The following ZFC3H1 variants were observed in gnomAD, a reference collection of about 807,000 sequenced individuals.
ZFC3H1 encodes the protein zinc finger C3H1 domain-containing protein.
Under a neutral mutation model 243.7 loss-of-function variants are expected in ZFC3H1, and 71 were observed. The observed-to-expected ratio is 0.29, with a 90% CI of 0.24 to 0.36. The LOEUF is 0.36. Ranked by LOEUF, ZFC3H1 falls within the 10% of genes least tolerant of loss-of-function variation. The pLI, the probability that ZFC3H1 is intolerant of heterozygous loss-of-function variation, is 1.00. For synonymous variants in ZFC3H1, 838 were observed against 813.0 expected (o/e 1.03, Z -0.52); for missense variants, 1,966 against 2,317.1 (o/e 0.85, Z 3.11).
At chr12:71,624,401 T>C in intron 22 of ZFC3H1, 109 bp from the exon 23 acceptor site, 1 of 1,167,692 alleles carries the variant, frequency 8.6e-7, no homozygotes, top group Non-Finnish European at 1.2e-6. Flanking sequence ...CTTCAACTTC[T>C]GCAAAAAGGA....
rs1290628587 is a variant in ZFC3H1, at chr12:71,620,157, A to C, written c.4851-33T>G. 3 of 1,611,634 alleles carry C rather than the reference A, an allele frequency of 1.9e-6. No homozygotes were observed. The South Asian group carries it at 3.3e-5, about 18-fold the overall frequency. On this transcript the variant is annotated intron_variant, in intron 25 of 34. Coordinates refer to ENST00000378743, the MANE Select transcript of ZFC3H1 (RefSeq NM_144982.5). ...AAAAAGAAAAAAAAAGGCTAAAGAC[A>C]TGAAAAGATCACTTTTTAATATAAG...
intron 23 of ZFC3H1, 24 bp downstream of exon 23, chr12:71,624,080 T>C: frequency 6.3e-7 from 1 of 1,586,730 alleles, no homozygotes; most frequent in Non-Finnish European, 8.6e-7. Context: ...CAAAATGCAA[T>C]TAAATGCTGT....
At position 71,610,311 on chromosome 12, in the gene ZFC3H1, T is replaced by C. The variant is rs17227269; in HGVS notation, c.*117A>G. On this transcript the variant is annotated 3_prime_UTR_variant, in exon 35 of 35. Coordinates refer to ENST00000378743, the MANE Select transcript of ZFC3H1 (RefSeq NM_144982.5). ...GGATATTGTAGGGAACTTGATATGATCAATAACGCTTGTCTGCCTTACACA... is the reference window on the plus strand; with the variant it reads ...GGATATTGTAGGGAACTTGATATGACCAATAACGCTTGTCTGCCTTACACA... 8,736 of 1,225,564 alleles carry C rather than the reference T, an allele frequency of 7.1e-3. 56 individuals carry two copies. The highest frequency in any genetic ancestry group is 7.9e-3 in the Non-Finnish European group (6,891 of 876,692). 75.9% of individuals were successfully genotyped at this position (1,225,564 alleles called of 1,614,324 possible).
At chr12:71,630,447 T>C (rs1012037752) in intron 18 of ZFC3H1, among the ~76,000 whole-genome samples, 153 bp downstream of exon 18, 1 of 152,216 alleles carries the variant, frequency 6.6e-6, no homozygotes, top group Admixed American at 6.5e-5. Context: ...ATTTTTACCG[T>C]AATTATACTG....
chr12:71,625,544 T>C (rs1269118430), intron 22 of ZFC3H1, among the ~76,000 whole-genome samples: 1 of 152,012 alleles, frequency 6.6e-6, no homozygotes, highest in Non-Finnish European at 1.5e-5. Flanking sequence ...ATCTAAAAAC[T>C]ATCCAGGCAT....
In ZFC3H1 at chr12:71,624,152, C is replaced by T; in HGVS notation, c.4458G>A (p.Gln1486=). ...QLLEALLFRV[Q]LHIFTGRCQS... is the part of the protein sequence containing the mutation. The stretch of plus-strand genomic sequence containing the variant: ...GGCATCTTCCAGTAAATATGTGCAG[C>T]TGAACTCTAAACAAAAGAGCCTCTA... Residue 1486 remains glutamine, a synonymous_variant, in exon 23 of 35, where the codon CAG becomes CAA. Coordinates refer to ENST00000378743, the MANE Select transcript of ZFC3H1 (RefSeq NM_144982.5). 6.2e-7 allele frequency: 1 copy of T among 1,613,992 alleles called. No homozygotes were observed. The highest frequency in any genetic ancestry group is 8.5e-7 in the Non-Finnish European group (1 of 1,179,994).
At chr12:71,650,080 C>T (rs763941242) in intron 2 of ZFC3H1, among the ~76,000 whole-genome samples, 26 of 151,898 alleles carry the variant, frequency 1.7e-4, no homozygotes, top group African/African-American at 5.6e-4. Context: ...CCCAGCTACT[C>T]GGGAGGCCAA....
chr12:71,638,497 G>T lies in ZFC3H1; in HGVS notation c.1646C>A (p.Pro549Gln), dbSNP rs749001333. 1.9e-6 allele frequency: 3 copies of T among 1,610,080 alleles called. No individual in the cohort carries two copies. The East Asian group carries it at 6.7e-5, about 36-fold the overall frequency. ...TSSPAPSPVQ[P>Q]PFFSECSLGY... Reference sequence around the variant, plus strand: ...CAATGAACATTCAGAGAAAAATGGCGGTTGCACTGGTGAAGGAGCTGTAAA... The same window carrying T: ...CAATGAACATTCAGAGAAAAATGGCTGTTGCACTGGTGAAGGAGCTGTAAA... The change falls in exon 7 of 35, where the codon CCG becomes CAG. Residue 549 changes from proline (P) to glutamine (Q), a missense_variant. This residue lies in a region of ZFC3H1 where 1,383 missense variants were observed against 1,723.7 expected (regional missense o/e 0.80). Transcript: ENST00000378743.
At chr12:71,630,351 T>C (rs1565812597) in intron 18 of ZFC3H1, among the ~76,000 whole-genome samples, 1 of 152,240 alleles carries the variant, frequency 6.6e-6, no homozygotes, top group Non-Finnish European at 1.5e-5. Flanking sequence ...TGGAAATGTC[T>C]TAAATCTGTG....
chr12:71,613,315 G>C lies in ZFC3H1; in HGVS notation c.5627+20C>G. 6.3e-7 allele frequency: 1 copy of C among 1,582,174 alleles called. No homozygotes were observed. Among genetic ancestry groups the C allele is most frequent in the African/African-American group, 1.4e-5 (1 of 74,002 alleles). Reference sequence around the variant, plus strand: ...TATTCCATTAGGCAGAGGACCAAAAGAATGTTAAGTTTTTCTTACCTCAAT... The same window carrying C: ...TATTCCATTAGGCAGAGGACCAAAACAATGTTAAGTTTTTCTTACCTCAAT... On this transcript the variant is annotated intron_variant, in intron 31 of 34. Coordinates refer to ENST00000378743, the MANE Select transcript of ZFC3H1 (RefSeq NM_144982.5).
intron 9 of ZFC3H1, among the ~76,000 whole-genome samples, chr12:71,635,794 C>G (rs1193167755): frequency 1.3e-5 from 2 of 151,902 alleles, no homozygotes; most frequent in Non-Finnish European, 2.9e-5. Context: ...TATAATTACT[C>G]TCATTAAAAT....
chr12:71,631,035 T>C, intron 16 of ZFC3H1, 81 bp from the exon 17 acceptor site: 2 of 1,389,036 alleles, frequency 1.4e-6, no homozygotes. Flanking sequence ...TTTTTCTTTC[T>C]CAAGTTAAAA....
At chr12:71,644,695 G>A (rs577691221) in intron 4 of ZFC3H1, among the ~76,000 whole-genome samples, 182 bp downstream of exon 4, 5 of 152,264 alleles carry the variant, frequency 3.3e-5, no homozygotes, top group Admixed American at 2.0e-4. Context: ...GTGGGCGCCT[G>A]TAATCCCAGC....
chr12:71,613,221 T>C, intron 31 of ZFC3H1, 114 bp downstream of exon 31: 1 of 654,364 alleles, frequency 1.5e-6, no homozygotes, highest in African/African-American at 1.9e-5. Context: ...CAGTATATAT[T>C]CATGAGGACA....
chr12:71,648,544 G>A (rs1052289959), intron 2 of ZFC3H1, among the ~76,000 whole-genome samples: 25 of 152,050 alleles, frequency 1.6e-4, no homozygotes, highest in Middle Eastern at 3.2e-3. Flanking sequence ...GCAAAGCTAG[G>A]ATTTAAACTA....
At chr12:71,624,587 G>A (rs1476400925) in intron 22 of ZFC3H1, among the ~76,000 whole-genome samples, 2 of 152,222 alleles carry the variant, frequency 1.3e-5, no homozygotes, top group Non-Finnish European at 2.9e-5. Context: ...ATCGCAGCAA[G>A]ATCATGATGA....
At chr12:71,621,494 G>A (rs1228913387) in intron 24 of ZFC3H1, among the ~76,000 whole-genome samples, 3 of 151,944 alleles carry the variant, frequency 2.0e-5, no homozygotes, top group East Asian at 1.9e-4. Context: ...AGTAGAGACG[G>A]GGTTTCACCA....
In ZFC3H1 at chr12:71,645,206, A is replaced by G. The variant is rs1423858425; in HGVS notation, c.1081-131T>C. On this transcript the variant is annotated intron_variant, in intron 3 of 34. Transcript: ENST00000378743. ...ATATGACAAGGCAAATACAGATAAA[A>G]TAAGTAAACTAATTTACTTCCCACA... 7.6e-6 allele frequency: 6 copies of G among 784,848 alleles called. No homozygotes were observed. In the African/African-American group the frequency reaches 8.7e-5, roughly 11 times the overall value. 48.6% of individuals were successfully genotyped at this position (784,848 alleles called of 1,614,324 possible). A position where few individuals can be genotyped will look rare whatever the true frequency, so the allele number is the denominator to read the frequency against.
intron 3 of ZFC3H1, among the ~76,000 whole-genome samples, chr12:71,647,128 C>CA (rs912702959): frequency 3.3e-5 from 5 of 151,580 alleles, no homozygotes; most frequent in South Asian, 2.1e-4. Flanking sequence ...TCAATTTATG[C>CA]AAAAAAACAA....
Sources: allele counts gnomAD v4.1 joint callset (sites outside exome capture counted in the v4.1 genomes callset), GRCh38; gene constraint gnomAD v4.1.1; regional missense constraint gnomAD v4.1.1; transcripts MANE v1.5; gene names NCBI Gene and HGNC (gene_info 2026-07-23, HGNC 2026-07-21).